The following AGBL4 variants were observed in gnomAD, a reference collection of about 807,000 sequenced individuals.
AGBL4 encodes cytosolic carboxypeptidase 6.
In AGBL4, 58 loss-of-function variants were observed where a neutral mutation model predicts 66.4. That is an observed-to-expected ratio of 0.87 (90% CI 0.71 to 1.09). AGBL4 has a LOEUF of 1.09. AGBL4 is among the 50% of genes least tolerant of loss of function. The probability of loss-of-function intolerance (pLI) is 0.00; values close to 1 mark genes in which losing one functional copy is unlikely to be tolerated. For missense variants in AGBL4, 579 were observed against 631.0 expected (o/e 0.92, Z 0.88); for synonymous variants, 234 against 222.9 (o/e 1.05, Z -0.44).
rs540559117 is a variant in AGBL4 at position 48,984,501 on chromosome 1, A to G, written c.594+61083T>C. Among the ~76,000 whole-genome samples the G allele has an allele frequency of 3.2e-4, 47 of 148,606 alleles. 1 individual carries two copies. The highest frequency in any genetic ancestry group is 1.1e-3 in the African/African-American group (45 of 40,672). ...GCCTCGGCTTTCCCATCCGCCTATC[A>G]TATTTCTTCTTGGACACTCACAGTG... is the stretch of plus-strand genomic sequence containing the variant. On this transcript the variant is annotated intron_variant, in intron 5 of 13. Transcript: ENST00000371839.
intron 5 of AGBL4, among the ~76,000 whole-genome samples, chr1:49,010,902 C>A (rs1337119351): frequency 6.6e-6 from 1 of 151,736 alleles, no homozygotes; most frequent in Non-Finnish European, 1.5e-5. Context: ...AAGACTTAAA[C>A]GTTAGACCTA....
intron 3 of AGBL4, among the ~76,000 whole-genome samples, chr1:49,367,828 C>CA (rs1197475360): frequency 1.3e-5 from 2 of 152,184 alleles, no homozygotes; most frequent in Non-Finnish European, 2.9e-5. Flanking sequence ...AAGACATTCA[C>CA]AATGTCGTGC....
intron 6 of AGBL4, among the ~76,000 whole-genome samples, chr1:48,741,109 G>A (rs1229127168): frequency 1.3e-5 from 2 of 152,114 alleles, no homozygotes; most frequent in African/African-American, 2.4e-5. Flanking sequence ...AGCCTTCAAG[G>A]CAAGGGAGAA....
chr1:49,380,764 A>C (rs1264189287), intron 3 of AGBL4, among the ~76,000 whole-genome samples: 1 of 152,190 alleles, frequency 6.6e-6, no homozygotes, highest in Non-Finnish European at 1.5e-5. Context: ...CTATTTAATA[A>C]ATGGTGCTGG....
At chr1:49,357,346 T>C (rs1644041212) in intron 3 of AGBL4, among the ~76,000 whole-genome samples, 1 of 152,134 alleles carries the variant, frequency 6.6e-6, no homozygotes, top group Admixed American at 6.5e-5. Flanking sequence ...TCTCTGTACA[T>C]ACGGAGATGA....
intron 4 of AGBL4, among the ~76,000 whole-genome samples, chr1:49,207,562 CTTT>C (rs1648307984): frequency 1.8e-5 from 2 of 108,868 alleles, no homozygotes; most frequent in African/African-American, 7.1e-5. Flanking sequence ...TTCTTTCTTT[CTTT>C]CTTTCTTTCT....
chr1:49,871,088 G>C (rs1646828230), intron 1 of AGBL4, among the ~76,000 whole-genome samples: 1 of 152,056 alleles, frequency 6.6e-6, no homozygotes, highest in East Asian at 1.9e-4. Flanking sequence ...AATTGTGGGA[G>C]TTAAAATTAG....
At chr1:49,030,691 C>T (rs1241364714) in intron 5 of AGBL4, among the ~76,000 whole-genome samples, 3 of 151,910 alleles carry the variant, frequency 2.0e-5, no homozygotes, top group Non-Finnish European at 2.9e-5. Flanking sequence ...AAACCACCCC[C>T]ACCATGCTGG....
chr1:48,590,809 G>T, intron 10 of AGBL4, 24 bp downstream of exon 10: 2 of 1,581,070 alleles, frequency 1.3e-6, no homozygotes, highest in Non-Finnish European at 1.7e-6. Flanking sequence ...GCTGGGGCTG[G>T]CTGAGAGAGA....
rs150892888 is a variant in AGBL4 at position 49,919,253 on chromosome 1, A to G, written c.35-67735T>C. Among the ~76,000 whole-genome samples, 435 of 152,270 alleles carry G rather than the reference A, an allele frequency of 2.9e-3. 11 individuals are homozygous for G. In the East Asian group the frequency reaches 0.075, roughly 26 times the overall value. ...TGGCCAGGGCAATCAGGCAGGAGAA[A>G]GAAATAAAGGGGATTCAATTAGGAA... On this transcript the variant is annotated intron_variant, in intron 1 of 13. Transcript: ENST00000371839.
intron 1 of AGBL4, among the ~76,000 whole-genome samples, chr1:49,902,719 C>T (rs1028501213): frequency 1.3e-5 from 2 of 152,156 alleles, no homozygotes; most frequent in African/African-American, 4.8e-5. Context: ...TACACTCCAG[C>T]CTGGGCAACA....
chr1:49,266,410 CT>C (rs1643919976), intron 3 of AGBL4, among the ~76,000 whole-genome samples: 1 of 152,010 alleles, frequency 6.6e-6, no homozygotes, highest in South Asian at 2.1e-4. Context: ...AAAAAAGCCT[CT>C]CTTTTCCTCA....
At chr1:48,931,264 C>A (rs17105226) in intron 5 of AGBL4, among the ~76,000 whole-genome samples, 15,618 of 152,142 alleles carry the variant, frequency 0.1, 895 homozygotes, top group African/African-American at 0.11. Context: ...TAAAGATTTG[C>A]AAAGTTGGTA....
intron 2 of AGBL4, among the ~76,000 whole-genome samples, chr1:49,844,329 T>G (rs1646080963): frequency 6.6e-6 from 1 of 152,144 alleles, no homozygotes; most frequent in African/African-American, 2.4e-5. Context: ...CCAAGTCCAG[T>G]GCATCTGTGC....
At chr1:49,073,811 G>C (rs1047774633) in intron 4 of AGBL4, among the ~76,000 whole-genome samples, 1 of 152,196 alleles carries the variant, frequency 6.6e-6, no homozygotes, top group African/African-American at 2.4e-5. Flanking sequence ...CTTCAGAGCT[G>C]TCAGACAGGA....
At chr1:48,864,929 G>A (rs1647854326) in intron 6 of AGBL4, among the ~76,000 whole-genome samples, 2 of 151,880 alleles carry the variant, frequency 1.3e-5, no homozygotes, top group South Asian at 2.1e-4. Flanking sequence ...TCATTATATC[G>A]CTACTCTTTT....
intron 4 of AGBL4, among the ~76,000 whole-genome samples, chr1:49,099,355 G>A (rs1201058357): frequency 4.6e-5 from 7 of 152,112 alleles, no homozygotes; most frequent in African/African-American, 1.7e-4. Flanking sequence ...ACCTCTTGAG[G>A]CAAAGTGCAT....
intron 3 of AGBL4, among the ~76,000 whole-genome samples, chr1:49,682,988 C>T (rs1039196134): frequency 3.9e-5 from 6 of 152,172 alleles, no homozygotes; most frequent in African/African-American, 7.2e-5. Context: ...TACTTCACAA[C>T]GTCTATGCTG....
At chr1:49,579,011 G>A (rs910648444) in intron 3 of AGBL4, among the ~76,000 whole-genome samples, 3 of 152,060 alleles carry the variant, frequency 2.0e-5, no homozygotes, top group South Asian at 2.1e-4. Flanking sequence ...ATATAAAGCC[G>A]GCAGAAAAAT....
Sources: gnomAD v4.1 joint callset for allele counts (sites outside exome capture counted in the v4.1 genomes callset) on GRCh38, gnomAD v4.1.1 for gene constraint, MANE v1.5 for transcripts, NCBI Gene and HGNC (gene_info 2026-07-23, HGNC 2026-07-21) for gene names.